The following RPGRIP1 variants were observed in gnomAD, a reference collection of about 807,000 sequenced individuals.
RPGRIP1 encodes the protein X-linked retinitis pigmentosa GTPase regulator-interacting protein 1.
In RPGRIP1, 128 loss-of-function variants were observed where a neutral mutation model predicts 157.9. That is an observed-to-expected ratio of 0.81 (90% confidence interval 0.70 to 0.94). RPGRIP1 has a LOEUF of 0.94. Among genes scored for constraint, RPGRIP1 ranks in the 40% least tolerant of loss-of-function variants. The probability of loss-of-function intolerance (pLI) is 0.00; values close to 1 mark genes in which losing one functional copy is unlikely to be tolerated. For synonymous variants in RPGRIP1, 554 were observed against 571.6 expected, an observed-to-expected ratio of 0.97 and a Z score of 0.44; for missense variants, 1,486 against 1,545.8, an observed-to-expected ratio of 0.96 and a Z score of 0.65.
intron 2 of RPGRIP1, among the ~76,000 whole-genome samples, chr14:21,290,049 G>T (rs932109772): frequency 6.6e-6 from 1 of 151,566 alleles, no homozygotes; most frequent in Admixed American, 6.6e-5. Context: ...TAGAGATGGG[G>T]TTTCACCATG....
intron 21 of RPGRIP1, among the ~76,000 whole-genome samples, chr14:21,342,573 T>C (rs1885125328): frequency 6.6e-6 from 1 of 150,720 alleles, no homozygotes; most frequent in South Asian, 2.1e-4. Flanking sequence ...GAGAAATAGC[T>C]GTTTAGAAAT....
In RPGRIP1 at chr14:21,301,917, A is replaced by G. The variant is rs533351491; in HGVS notation, c.491-571A>G. 5.9e-5 allele frequency among the ~76,000 whole-genome samples: 9 copies of G among 151,860 alleles called. No homozygotes were observed. The South Asian group carries it at 1.5e-3, about 25-fold the overall frequency. On this transcript the variant is annotated intron_variant, in intron 4 of 24. Coordinates refer to ENST00000400017, the MANE Select transcript of RPGRIP1 (RefSeq NM_020366.4). Reference sequence around the variant, plus strand: ...ACAAAACCCCCAAAAAGAAAACTCAACGTTGAATCTCTAGAGTAGACACCT... The same window carrying G: ...ACAAAACCCCCAAAAAGAAAACTCAGCGTTGAATCTCTAGAGTAGACACCT...
chr14:21,289,188 C>T (rs1349727461), intron 2 of RPGRIP1, among the ~76,000 whole-genome samples: 1 of 151,982 alleles, frequency 6.6e-6, no homozygotes, highest in East Asian at 1.9e-4. Context: ...ATTAGCTGGG[C>T]GTTGTGGCGG....
At chr14:21,349,211 C>T (rs1885898221) in intron 24 of RPGRIP1, among the ~76,000 whole-genome samples, 1 of 150,274 alleles carries the variant, frequency 6.7e-6, no homozygotes, top group Non-Finnish European at 1.5e-5. Context: ...GCTGGGACTA[C>T]AGGCACCTGC....
rs1335596665 is a variant in RPGRIP1, at chr14:21,287,942, C to T, written c.-35C>T. ...CTGGACTTTTCCTTTATTTCAGTGT[C>T]CTCTGGGATCTCTTACAGCTTGGGA... On this transcript the variant is annotated 5_prime_UTR_variant, in exon 2 of 25. Transcript: ENST00000400017. 40 of 1,452,334 alleles carry T rather than the reference C, an allele frequency of 2.8e-5. No individual in the cohort carries two copies. The highest frequency in any genetic ancestry group is 3.8e-5 in the Non-Finnish European group (39 of 1,036,778). The allele number at this position is 1,452,334 out of a possible 1,614,324, so 90.0% of individuals were successfully genotyped here.
At chr14:21,297,810 T>C (rs1880845872) in intron 3 of RPGRIP1, among the ~76,000 whole-genome samples, 2 of 134,586 alleles carry the variant, frequency 1.5e-5, no homozygotes, top group South Asian at 2.5e-4. Context: ...AGCACAATTC[T>C]ATGTTTCGGT....
intron 6 of RPGRIP1, 43 bp from the exon 7 acceptor site, chr14:21,307,688 C>T: frequency 9.6e-6 from 12 of 1,249,584 alleles, no homozygotes; most frequent in Non-Finnish European, 1.4e-5. Context: ...GTCTTTAATT[C>T]TATCCATGTT....
Position 21,326,131 on chromosome 14 carries a change from C to T in RPGRIP1, c.2668C>T (p.Arg890Ter), listed in dbSNP as rs780587095. Residue 890 changes from arginine (R) to a stop codon, truncating the protein, a stop_gained, in exon 17 of 25, where the codon CGA becomes TGA. Transcript: ENST00000400017. LOFTEE classifies it high-confidence loss of function. ...LEPGSYLGRA[R>*]VPLLPLAKNE... ...GCCTGGCTCGTATCTTGGCCGAGCC[C>T]GAGTGCCTTTACTGCCTCTTGCAAA... 1.3e-6 allele frequency: 2 copies of T among 1,598,032 alleles called. No individual in the cohort carries two copies. Among genetic ancestry groups the T allele is most frequent in the Non-Finnish European group, 1.7e-6 (2 of 1,170,390 alleles).
At chr14:21,283,768 C>G (rs1880212322) in intron 1 of RPGRIP1, among the ~76,000 whole-genome samples, 1 of 152,010 alleles carries the variant, frequency 6.6e-6, no homozygotes, top group Non-Finnish European at 1.5e-5. Context: ...AGCGATTCTC[C>G]TGCCTCAGCC....
chr14:21,344,771 C>A (rs1885389790), intron 22 of RPGRIP1, among the ~76,000 whole-genome samples: 1 of 152,140 alleles, frequency 6.6e-6, no homozygotes, highest in Non-Finnish European at 1.5e-5. Flanking sequence ...CGTGGCAAAA[C>A]CCTGTCTCTA....
chr14:21,345,043 A>G, intron 22 of RPGRIP1, 70 bp from the exon 23 acceptor site: 2 of 967,006 alleles, frequency 2.1e-6, no homozygotes, highest in Non-Finnish European at 3.4e-6. Context: ...GAATACCACT[A>G]ATGAAAGTCT....
Position 21,312,467 on chromosome 14 carries a change from G to T in RPGRIP1, c.1112G>T (p.Arg371Leu). Residue 371 changes from arginine (R) to leucine (L), a missense_variant, in exon 10 of 25, where the codon CGA (arginine) becomes CTA (leucine). By Grantham distance (102) the Arg-to-Leu change is moderately radical. Transcript: ENST00000400017. ...AGAGTTGAAGATTTGGAAAAAGAAC[G>T]AAAATTGCTGAATGACAATTATGAC... ...QERVEDLEKE[R>L]KLLNDNYDKL... is the part of the protein sequence containing the mutation. The T allele has an allele frequency of 1.2e-6, 2 of 1,611,684 alleles. No individual in the cohort carries two copies. Among genetic ancestry groups the T allele is most frequent in the Non-Finnish European group, 1.7e-6 (2 of 1,178,656 alleles).
chr14:21,311,156 G>A (rs1023476336), intron 8 of RPGRIP1, among the ~76,000 whole-genome samples: 1 of 152,162 alleles, frequency 6.6e-6, no homozygotes, highest in Non-Finnish European at 1.5e-5. Flanking sequence ...AGGTACAAAC[G>A]TAGTCATCAT....
At chr14:21,304,815 T>G (rs191828980) in intron 6 of RPGRIP1, among the ~76,000 whole-genome samples, 22 of 152,176 alleles carry the variant, frequency 1.4e-4, no homozygotes, top group African/African-American at 4.8e-4. Flanking sequence ...TCTTTTTTTT[T>G]TTTTGAGATG....
intron 7 of RPGRIP1, among the ~76,000 whole-genome samples, chr14:21,308,749 AGG>A (rs982237743): frequency 3.3e-5 from 5 of 152,316 alleles, no homozygotes; most frequent in South Asian, 2.1e-4. Flanking sequence ...CAAAGCAGAG[AGG>A]GGAGACCTCA....
intron 23 of RPGRIP1, 76 bp from the exon 24 acceptor site, chr14:21,348,096 A>T: frequency 8.2e-7 from 1 of 1,213,914 alleles, no homozygotes; most frequent in Non-Finnish European, 1.1e-6. Context: ...ATTGTTTATG[A>T]TTACTTTTAT....
Position 21,324,606 on chromosome 14 carries a change from T to C in RPGRIP1, c.1763-12T>C. ...ACCCTTTAACGGATAGGCAGCTTTCTTTCCCCTCTAGAACAGCTCAAAGAT... is the reference window on the plus strand; with the variant it reads ...ACCCTTTAACGGATAGGCAGCTTTCCTTCCCCTCTAGAACAGCTCAAAGAT... On this transcript the variant is annotated splice_polypyrimidine_tract_variant and intron_variant, in intron 14 of 24. Coordinates refer to ENST00000400017, the MANE Select transcript of RPGRIP1 (RefSeq NM_020366.4). 1 of 1,610,730 alleles carries C rather than the reference T, an allele frequency of 6.2e-7. No homozygotes were observed. The highest frequency in any genetic ancestry group is 8.5e-7 in the Non-Finnish European group (1 of 1,179,002).
intron 11 of RPGRIP1, among the ~76,000 whole-genome samples, chr14:21,319,715 G>A (rs1882197274): frequency 1.3e-5 from 2 of 152,288 alleles, no homozygotes; most frequent in Middle Eastern, 3.4e-3. Flanking sequence ...CGATGCTGCT[G>A]TCAAAAAGTT....
At chr14:21,330,685 T>C (rs186560163) in intron 20 of RPGRIP1, among the ~76,000 whole-genome samples, 130 of 151,826 alleles carry the variant, frequency 8.6e-4, no homozygotes, top group Non-Finnish European at 1.5e-3. Flanking sequence ...AAGAAAAAAA[T>C]ATATATTTTT....
Sources: gnomAD v4.1 joint callset for allele counts (sites outside exome capture counted in the v4.1 genomes callset) on GRCh38, gnomAD v4.1.1 for gene constraint, MANE v1.5 for transcripts, NCBI Gene and HGNC (gene_info 2026-07-23, HGNC 2026-07-21) for gene names.